ZFYVE28: variants seen among roughly 807,000 people sequenced by gnomAD.
The protein encoded by ZFYVE28 is lateral signaling target protein 2 homolog.
Under a neutral mutation model 82.1 loss-of-function variants are expected in ZFYVE28, and 40 were observed. The ratio of observed to expected loss-of-function variants is 0.49; its 90% CI spans 0.38 to 0.63. ZFYVE28 has a LOEUF of 0.63. Among genes scored for constraint, ZFYVE28 ranks in the 30% least tolerant of loss-of-function variants. The pLI, the probability that ZFYVE28 is intolerant of heterozygous loss-of-function variation, is 0.00. For missense variants in ZFYVE28, 1,321 were observed against 1,242.1 expected (o/e 1.06, Z -0.96); for synonymous variants, 612 against 546.1 (o/e 1.12, Z -1.68).
chr4:2,335,757 C>A lies in ZFYVE28; in HGVS notation c.649G>T (p.Asp217Tyr). The part of the protein sequence containing the change: ...DFGYLTQDMI[D>Y]DYEPALMFSI... ...AACATGAGGGCCGGCTCGTAGTCAT[C>A]AATCATGTCCTGAGTCAGGTACCCG... is the stretch of plus-strand genomic sequence containing the variant. The change falls in exon 6 of 13, where the codon GAT becomes TAT. Residue 217 changes from aspartate (D) to tyrosine (Y), a missense_variant. Physicochemically the swap from Asp to Tyr is radical, Grantham distance 160. This residue lies in a region of ZFYVE28 where 343 missense variants were observed against 408.4 expected (regional missense o/e 0.84). Transcript: ENST00000290974. This position sits in a 1 kb window ranked among gnomAD's most constrained non-coding sequence, Gnocchi z 5.8. 6.4e-7 allele frequency: 1 copy of A among 1,572,042 alleles called. No homozygotes were observed. The highest frequency in any genetic ancestry group is 8.6e-7 in the Non-Finnish European group (1 of 1,158,634).
chr4:2,376,393 A>T (rs955375737), intron 1 of ZFYVE28, among the ~76,000 whole-genome samples: 1 of 146,586 alleles, frequency 6.8e-6, no homozygotes, highest in Non-Finnish European at 1.5e-5. Context: ...AAAAAAAAAA[A>T]AAAAAGTTTT....
chr4:2,415,081 T>A (rs2108692464), intron 1 of ZFYVE28, among the ~76,000 whole-genome samples: 1 of 152,350 alleles, frequency 6.6e-6, no homozygotes, highest in South Asian at 2.1e-4. Context: ...AAAAGACTGA[T>A]TAAGAAAGTG....
intron 8 of ZFYVE28, among the ~76,000 whole-genome samples, chr4:2,288,233 C>A (rs1049976694): frequency 2.0e-5 from 3 of 152,200 alleles, no homozygotes; most frequent in Non-Finnish European, 4.4e-5. Flanking sequence ...GCATCACCTC[C>A]CAGCCATGAT....
rs773023173 is a variant in ZFYVE28 at position 2,304,425 on chromosome 4, A to C, written c.1915T>G (p.Ser639Ala). The change falls in exon 8 of 13, where the codon TCA (serine) becomes GCA (alanine). Residue 639 changes from serine (S) to alanine (A), a missense_variant. This residue lies in a region of ZFYVE28 where 978 missense variants were observed against 833.7 expected (regional missense o/e 1.17). Transcript: ENST00000290974. ...PTSDKCLPHTSGSQVDTASGL... is the reference protein window; with the variant it reads ...PTSDKCLPHTAGSQVDTASGL... ...CTCGCTGTGTCCACCTGGGAACCTGAGGTGTGAGGCAGGCACTTGTCGGAA... is the reference window on the plus strand; with the variant it reads ...CTCGCTGTGTCCACCTGGGAACCTGCGGTGTGAGGCAGGCACTTGTCGGAA... 6.2e-7 allele frequency: 1 copy of C among 1,613,486 alleles called. No homozygotes were observed. The highest frequency in any genetic ancestry group is 8.5e-7 in the Non-Finnish European group (1 of 1,180,004).
intron 8 of ZFYVE28, among the ~76,000 whole-genome samples, chr4:2,298,711 C>T (rs931569284): frequency 9.9e-5 from 15 of 152,226 alleles, no homozygotes; most frequent in South Asian, 2.1e-4. Flanking sequence ...GACTGCACGA[C>T]GGAGCAGGCC....
At position 2,330,841 on chromosome 4, in the gene ZFYVE28, T is replaced by TGGGGACTGGGGAGA. The variant is rs766845170; in HGVS notation, c.701+4850_701+4863dup. 125 of 1,524,446 alleles carry TGGGGACTGGGGAGA rather than the reference T, an allele frequency of 8.2e-5. No individual in the cohort carries two copies. In the African/African-American group the frequency reaches 1.7e-3, roughly 20 times the overall value. 94.4% of individuals were successfully genotyped at this position (1,524,446 alleles called of 1,614,324 possible). ...GTGGAGACCCAGGGCAGCGGGTGCG[T>TGGGGACTGGGGAGA]GGGGACTGGGGAGAGAGGACTGGTG... On this transcript the variant is annotated intron_variant, in intron 6 of 12. Coordinates refer to ENST00000290974, the MANE Select transcript of ZFYVE28 (RefSeq NM_020972.3).
chr4:2,324,833 C>T (rs1242911949), intron 6 of ZFYVE28: 4 of 157,514 alleles, frequency 2.5e-5, no homozygotes, highest in Admixed American at 1.3e-4. Flanking sequence ...AGCCAGAACC[C>T]CATGGCTTAC....
chr4:2,271,294 C>T lies in ZFYVE28; in HGVS notation c.2532+17G>A. ...CTTGGATGCTGAGGGACCCTCCGTG[C>T]AAGGGGTCTCACCCACCTTCCCACA... On this transcript the variant is annotated intron_variant, in intron 12 of 12. Coordinates refer to ENST00000290974, the MANE Select transcript of ZFYVE28 (RefSeq NM_020972.3). 1 of 1,610,808 alleles carries T rather than the reference C, an allele frequency of 6.2e-7. No homozygotes were observed. Among genetic ancestry groups the T allele is most frequent in the East Asian group, 2.2e-5 (1 of 44,808 alleles).
intron 1 of ZFYVE28, among the ~76,000 whole-genome samples, chr4:2,360,009 C>T (rs980615817): frequency 2.6e-5 from 4 of 152,196 alleles, no homozygotes; most frequent in African/African-American, 9.6e-5. Context: ...TTACCCACCC[C>T]GGACAAGCGC....
At chr4:2,404,156 T>A (rs184075784) in intron 1 of ZFYVE28, among the ~76,000 whole-genome samples, 7 of 150,130 alleles carry the variant, frequency 4.7e-5, no homozygotes, top group African/African-American at 1.7e-4. Flanking sequence ...CTGTCTCTAA[T>A]AAAAATACAA....
At chr4:2,287,129 G>A (rs28718782) in intron 8 of ZFYVE28, 93,210 of 151,996 alleles carry the variant, frequency 0.61, 28,886 homozygotes, top group African/African-American at 0.66. Context: ...CCCCACCAGC[G>A]CCCTCATCTC....
intron 1 of ZFYVE28, among the ~76,000 whole-genome samples, chr4:2,395,968 C>T (rs1397354655): frequency 6.6e-6 from 1 of 152,186 alleles, no homozygotes. Context: ...TGCCTGTGTC[C>T]CCTGGGGGTC....
chr4:2,367,398 G>T (rs774116993), intron 1 of ZFYVE28, among the ~76,000 whole-genome samples: 1 of 152,264 alleles, frequency 6.6e-6, no homozygotes, highest in Admixed American at 6.5e-5. Flanking sequence ...TGAGCCTCAG[G>T]CTCTGCCTGG....
chr4:2,300,932 AC>A lies in ZFYVE28; in HGVS notation c.2051+3356del, dbSNP rs1715418688. ...GATGCTCTCAGCTGAGGCAAATACC[AC>A]CCTCTCCGTCTCAGTCTCTCCCACT... On this transcript the variant is annotated intron_variant, in intron 8 of 12. Coordinates refer to ENST00000290974, the MANE Select transcript of ZFYVE28 (RefSeq NM_020972.3). The surrounding 1 kb of genome is among the most constrained non-coding windows in gnomAD (Gnocchi z 4.6). Among the ~76,000 whole-genome samples, 1 of 151,112 alleles carries A rather than the reference AC, an allele frequency of 6.6e-6. No homozygotes were observed.
At position 2,281,133 on chromosome 4, in the gene ZFYVE28, A is replaced by C. The variant is rs988927528; in HGVS notation, c.2052-6917T>G. Among the ~76,000 whole-genome samples the C allele has an allele frequency of 2.0e-5, 3 of 151,508 alleles. No individual in the cohort carries two copies. In the East Asian group the frequency reaches 5.8e-4, roughly 29 times the overall value. ...GAAGCTCTGGTGGCGTGGGAGGGGG[A>C]ATGGGTGGACAGAGAGAGCCAAGGG... On this transcript the variant is annotated intron_variant, in intron 8 of 12. Transcript: ENST00000290974.
At chr4:2,337,581 A>G in intron 4 of ZFYVE28, 85 bp from the exon 5 acceptor site, 1 of 1,093,340 alleles carries the variant, frequency 9.1e-7, no homozygotes, top group Admixed American at 2.4e-5. Context: ...CTTCAATTAA[A>G]GCTGCAATGC....
chr4:2,354,561 C>T (rs761350604), intron 1 of ZFYVE28, among the ~76,000 whole-genome samples: 35 of 150,122 alleles, frequency 2.3e-4, no homozygotes, highest in Middle Eastern at 3.5e-3. Flanking sequence ...TGGGTTCAAG[C>T]GATTCTACTG....
At chr4:2,403,971 GAAAAAAAA>G (rs35312512) in intron 1 of ZFYVE28, among the ~76,000 whole-genome samples, 1 of 129,044 alleles carries the variant, frequency 7.7e-6, no homozygotes, top group Non-Finnish European at 1.6e-5. Context: ...CTCCATTTCG[GAAAAAAAA>G]AAAAAAAAAA....
intron 1 of ZFYVE28, among the ~76,000 whole-genome samples, chr4:2,412,717 G>C (rs1463565163): frequency 6.6e-6 from 1 of 152,092 alleles, no homozygotes; most frequent in Non-Finnish European, 1.5e-5. Flanking sequence ...CCACACCCTG[G>C]CTGTCACTTA....
Sources: gnomAD v4.1 joint callset for allele counts (sites outside exome capture counted in the v4.1 genomes callset) on GRCh38, gnomAD v4.1.1 for gene constraint, gnomAD v4.1.1 regional missense constraint, Gnocchi (gnomAD v3.1) non-coding constraint, MANE v1.5 for transcripts, NCBI Gene and HGNC (gene_info 2026-07-23, HGNC 2026-07-21) for gene names.